The following SCRN1 variants were observed in gnomAD, a reference collection of about 807,000 sequenced individuals.
SCRN1 encodes secernin-1.
A neutral mutation model predicts 43.3 loss-of-function variants in SCRN1; 19 were observed. That is an observed-to-expected ratio of 0.44 (90% CI 0.31 to 0.64). SCRN1 has a LOEUF of 0.64. Among genes scored for constraint, SCRN1 ranks in the 30% least tolerant of loss-of-function variants. SCRN1 has a pLI of 0.09. For missense variants in SCRN1, 447 were observed against 524.1 expected, an observed-to-expected ratio of 0.85 and a Z score of 1.44; for synonymous variants, 183 against 188.9, an observed-to-expected ratio of 0.97 and a Z score of 0.26.
Position 29,950,232 on chromosome 7 carries a change from T to A in SCRN1, c.341+4947A>T, listed in dbSNP as rs1409859029. ...CACCTGCTCCAGTGCAGAGCAAAGT[T>A]GTGGCTGAGCCCAGGTGCTATTGCA... On this transcript the variant is annotated intron_variant, in intron 3 of 7. Transcript: ENST00000242059. This position sits in a 1 kb window ranked among gnomAD's most constrained non-coding sequence, Gnocchi z 4.5. Among the ~76,000 whole-genome samples the A allele has an allele frequency of 6.6e-6, 1 of 152,192 alleles. No individual in the cohort carries two copies. The highest frequency in any genetic ancestry group is 1.5e-5 in the Non-Finnish European group (1 of 68,032).
rs373608332 is a variant in SCRN1 at position 29,943,990 on chromosome 7, G to A, written c.531C>T (p.Ala177=). 5.3e-5 allele frequency: 85 copies of A among 1,614,048 alleles called. 1 individual carries two copies. Among genetic ancestry groups the A allele is most frequent in the Admixed American group, 1.7e-4 (10 of 60,008 alleles). The change falls in exon 4 of 8, where the codon GCC becomes GCT. Residue 177 remains alanine, a synonymous_variant. Transcript: ENST00000242059. ...VLETIGKYWA[A]EKVTEGVRCI... ...ACACCCACTCACCTGTGACTTTCTC[G>A]GCAGCCCAGTACTTCCCTATGGTCT...
rs563879011 is a variant in SCRN1 at position 29,940,799 on chromosome 7, C to T, written c.622G>A (p.Ala208Thr). The stretch of plus-strand genomic sequence containing the variant: ...CCCGTCCACCAACCTTGGCTCTGAG[C>T]GTAACTCCTGAGTTCCGGATGCTCT... ...DAEHPELRSY[A>T]QSQGWWTGEG... Residue 208 changes from alanine to threonine, a missense_variant, in exon 5 of 8, where the codon GCT becomes ACT. Physicochemically the swap from Ala to Thr is moderately conservative, Grantham distance 58 (BLOSUM62 0). Coordinates refer to ENST00000242059, the MANE Select transcript of SCRN1 (RefSeq NM_014766.5). 6 of 1,607,126 alleles carry T rather than the reference C, an allele frequency of 3.7e-6. No homozygotes were observed. The highest frequency in any genetic ancestry group is 2.2e-5 in the South Asian group (2 of 89,692).
At position 29,984,184 on chromosome 7, in the gene SCRN1, C is replaced by T. The variant is rs58592858; in HGVS notation, c.-2+5458G>A. On this transcript the variant is annotated intron_variant, in intron 1 of 7. Transcript: ENST00000242059. ...TTGCACCACTGCACTCCAGCCTGGG[C>T]GACAGAGTGAGACAGTCTCCAAAAA... is the stretch of plus-strand genomic sequence containing the variant. Among the ~76,000 whole-genome samples, 287 of 122,002 alleles carry T rather than the reference C, an allele frequency of 2.4e-3. 2 individuals carry two copies. The East Asian group carries it at 0.042, about 18-fold the overall frequency. 80.0% of individuals were successfully genotyped at this position (122,002 alleles called of 152,430 possible).
In SCRN1 at chr7:29,920,247, G is replaced by T. The variant is rs1342374367; in HGVS notation, c.*3710C>A. Reference sequence around the variant, plus strand: ...ACTACATGGCCAGTTCCCACTGCAGGAAACAGAATGATTTTCTTTTTTTTT... The same window carrying T: ...ACTACATGGCCAGTTCCCACTGCAGTAAACAGAATGATTTTCTTTTTTTTT... On this transcript the variant is annotated 3_prime_UTR_variant, in exon 8 of 8. Transcript: ENST00000242059. 6.6e-6 allele frequency: 1 copy of T among 152,526 alleles called. No homozygotes were observed. The highest frequency in any genetic ancestry group is 1.5e-5 in the Non-Finnish European group (1 of 68,034). 9.4% of individuals were successfully genotyped at this position (152,526 alleles called of 1,614,324 possible).
At chr7:29,959,188 T>C (rs986448741) in intron 2 of SCRN1, among the ~76,000 whole-genome samples, 3 of 152,070 alleles carry the variant, frequency 2.0e-5, no homozygotes, top group African/African-American at 7.2e-5. Context: ...AACACAACCA[T>C]TGTGCCTTTC....
intron 1 of SCRN1, among the ~76,000 whole-genome samples, chr7:29,978,382 C>T (rs570266098): frequency 1.6e-4 from 25 of 152,336 alleles, no homozygotes; most frequent in Non-Finnish European, 2.9e-4. Flanking sequence ...GGTAGTGGCT[C>T]CTCTCAACAG....
At chr7:29,946,602 GC>G (rs1787746449) in intron 3 of SCRN1, among the ~76,000 whole-genome samples, 1 of 152,172 alleles carries the variant, frequency 6.6e-6, no homozygotes, top group African/African-American at 2.4e-5. Context: ...CCACACTGAG[GC>G]CCTAGACTTG....
intron 1 of SCRN1, among the ~76,000 whole-genome samples, chr7:29,986,428 T>C (rs887316193): frequency 1.3e-5 from 2 of 152,070 alleles, no homozygotes; most frequent in Non-Finnish European, 1.5e-5. Context: ...TCATATTAAA[T>C]TTTTGAAATT....
chr7:29,969,351 AG>A (rs1305648652), intron 1 of SCRN1: 1 of 431,234 alleles, frequency 2.3e-6, no homozygotes, highest in Non-Finnish European at 4.3e-6. Flanking sequence ...GAGAAAGGAA[AG>A]GAGGTTATTG....
rs59537999 is a variant in SCRN1 at position 29,926,385 on chromosome 7, C to A, written c.1086+67G>T. ...GTCTAGCTTGACATCTGCTTCCCTGCCTCCTTCCTCGCTGACCTCGCCCGC... is the reference window on the plus strand; with the variant it reads ...GTCTAGCTTGACATCTGCTTCCCTGACTCCTTCCTCGCTGACCTCGCCCGC... On this transcript the variant is annotated intron_variant, in intron 7 of 7. Transcript: ENST00000242059. The A allele has an allele frequency of 2.4e-3, 3,648 of 1,539,150 alleles. 70 individuals are homozygous for A. The African/African-American group carries it at 0.043, about 18-fold the overall frequency.
At chr7:29,955,454 C>T (rs1788104999) in intron 2 of SCRN1, 94 bp from the exon 3 acceptor site, 1 of 1,190,860 alleles carries the variant, frequency 8.4e-7, no homozygotes, top group Non-Finnish European at 1.2e-6. Flanking sequence ...ATATTAGTTA[C>T]AAACAGAGCC....
chr7:29,936,187 G>T (rs915600156), intron 6 of SCRN1, among the ~76,000 whole-genome samples: 1 of 152,100 alleles, frequency 6.6e-6, no homozygotes, highest in Non-Finnish European at 1.5e-5. Flanking sequence ...TCTCTGTCTC[G>T]CTGTGTTTTG....
upstream of SCRN1, chr7:29,990,171 G>T: frequency 1.3e-6 from 2 of 1,551,528 alleles, no homozygotes; most frequent in African/African-American, 2.7e-5. Flanking sequence ...GGAGAGAAAT[G>T]TGTCCTGTAC....
chr7:29,932,651 CAAAAAAAAAAAA>C (rs1162835669), intron 6 of SCRN1, among the ~76,000 whole-genome samples: 15 of 8,048 alleles, frequency 1.9e-3, no homozygotes, highest in Non-Finnish European at 2.9e-3. Flanking sequence ...GATTCCATCT[CAAAAAAAAAAAA>C]AAAAAAAAAA....
intron 4 of SCRN1, among the ~76,000 whole-genome samples, chr7:29,941,298 A>G (rs190176067): frequency 1.2e-4 from 19 of 152,354 alleles, no homozygotes; most frequent in Admixed American, 2.6e-4. Context: ...CCTCTACAGC[A>G]ATGCTCTATC....
chr7:29,929,345 G>A (rs1162728846), intron 6 of SCRN1, among the ~76,000 whole-genome samples: 2 of 152,206 alleles, frequency 1.3e-5, no homozygotes, highest in African/African-American at 2.4e-5. Context: ...AGGGAACTGC[G>A]ACCACGCCCT....
chr7:29,928,022 T>C lies in SCRN1; in HGVS notation c.906-1390A>G, dbSNP rs528706671. On this transcript the variant is annotated intron_variant, in intron 6 of 7. Coordinates refer to ENST00000242059, the MANE Select transcript of SCRN1 (RefSeq NM_014766.5). ...CCTGTAATCCCAGCTACTCAGGAGG[T>C]TGAGGTGGAAGAGTCGCTGGAACCC... Among the ~76,000 whole-genome samples the C allele has an allele frequency of 1.5e-4, 22 of 151,632 alleles. No individual in the cohort carries two copies. In the East Asian group the frequency reaches 4.3e-3, roughly 29 times the overall value.
intron 1 of SCRN1, among the ~76,000 whole-genome samples, chr7:29,981,233 A>C (rs1788984039): frequency 6.6e-6 from 1 of 152,172 alleles, no homozygotes; most frequent in Non-Finnish European, 1.5e-5. Flanking sequence ...GGTGAAAAAG[A>C]TACTCAGGAA....
Position 29,923,351 on chromosome 7 carries a change from G to A in SCRN1, c.*606C>T, listed in dbSNP as rs908840286. 2.0e-5 allele frequency: 3 copies of A among 152,476 alleles called. No individual in the cohort carries two copies. Among genetic ancestry groups the A allele is most frequent in the African/African-American group, 7.2e-5 (3 of 41,456 alleles). The allele number at this position is 152,476 out of a possible 1,614,324, so 9.4% of individuals were successfully genotyped here. ...AAATGGGAAGACAGCTTCTTCAGGA[G>A]CCCAGGATGTAGGAAGGAGCCAGGA... On this transcript the variant is annotated 3_prime_UTR_variant, in exon 8 of 8. Transcript: ENST00000242059.
Sources: allele counts gnomAD v4.1 joint callset (sites outside exome capture counted in the v4.1 genomes callset), GRCh38; gene constraint gnomAD v4.1.1; non-coding constraint Gnocchi (gnomAD v3.1); transcripts MANE v1.5; gene names NCBI Gene and HGNC (gene_info 2026-07-23, HGNC 2026-07-21).